Variants in SGCZ observed in about 807,000 individuals in gnomAD.
The protein encoded by SGCZ is zeta-sarcoglycan.
A neutral mutation model predicts 41.3 loss-of-function variants in SGCZ; 40 were observed. The ratio of observed to expected loss-of-function variants is 0.97; its 90% CI spans 0.75 to 1.26. SGCZ has a LOEUF of 1.26. SGCZ is among the 50% of genes most tolerant of loss of function. The pLI is 0.00. For synonymous variants in SGCZ, 206 were observed against 137.5 expected (o/e 1.50, Z -3.49); for missense variants, 552 against 369.8 (o/e 1.49, Z -4.04).
At chr8:14,392,901 G>A (rs78905746) in intron 2 of SGCZ, among the ~76,000 whole-genome samples, 2 of 152,004 alleles carry the variant, frequency 1.3e-5, no homozygotes, top group Non-Finnish European at 2.9e-5. Context: ...AATAAAGTTA[G>A]AGTTTATATT....
intron 3 of SGCZ, among the ~76,000 whole-genome samples, chr8:14,300,151 T>G (rs997719935): frequency 1.3e-5 from 2 of 151,972 alleles, no homozygotes; most frequent in Non-Finnish European, 2.9e-5. Context: ...ATTACAAGGA[T>G]GTATAGTTAT....
chr8:14,822,481 A>T (rs952738308), intron 1 of SGCZ, among the ~76,000 whole-genome samples: 12 of 152,192 alleles, frequency 7.9e-5, no homozygotes, highest in African/African-American at 2.9e-4. Context: ...GAAACAAAAA[A>T]GAAATTCACA....
At chr8:15,227,674 C>A (rs1417596493) in intron 1 of SGCZ, among the ~76,000 whole-genome samples, 1 of 152,142 alleles carries the variant, frequency 6.6e-6, no homozygotes, top group African/African-American at 2.4e-5. Context: ...CGTACTGTGA[C>A]ACTGTTCGTC....
At chr8:14,497,722 A>T (rs1205097804) in intron 2 of SGCZ, among the ~76,000 whole-genome samples, 1 of 152,080 alleles carries the variant, frequency 6.6e-6, no homozygotes, top group African/African-American at 2.4e-5. Flanking sequence ...AACCGTTCAT[A>T]AGGGATCCAC....
At chr8:14,277,281 T>C (rs7825535) in intron 3 of SGCZ, among the ~76,000 whole-genome samples, 40,897 of 152,054 alleles carry the variant, frequency 0.27, 5,871 homozygotes, top group South Asian at 0.45. Context: ...CATGAAGAGA[T>C]TGCTAATTGG....
chr8:15,182,604 C>G (rs767475603), intron 1 of SGCZ, among the ~76,000 whole-genome samples: 9 of 152,058 alleles, frequency 5.9e-5, no homozygotes, highest in Non-Finnish European at 1.2e-4. Context: ...GTATAGGACC[C>G]TTACCATGAA....
At chr8:15,065,840 G>A (rs930764910) in intron 1 of SGCZ, among the ~76,000 whole-genome samples, 2 of 152,122 alleles carry the variant, frequency 1.3e-5, no homozygotes, top group East Asian at 3.9e-4. Flanking sequence ...CACTTAGCAC[G>A]TGGTAGGGCC....
intron 2 of SGCZ, among the ~76,000 whole-genome samples, chr8:14,359,610 C>A (rs1803430332): frequency 6.6e-6 from 1 of 151,790 alleles, no homozygotes; most frequent in South Asian, 2.1e-4. Context: ...AGGAATTAAA[C>A]AATACACTCC....
chr8:14,163,663 G>C (rs1305277578), intron 5 of SGCZ, among the ~76,000 whole-genome samples: 1 of 152,084 alleles, frequency 6.6e-6, no homozygotes, highest in Non-Finnish European at 1.5e-5. Flanking sequence ...GAGGCATCTA[G>C]AGTTGAATAT....
At chr8:15,017,100 T>G (rs866936758) in intron 1 of SGCZ, among the ~76,000 whole-genome samples, 15 of 152,296 alleles carry the variant, frequency 9.8e-5, no homozygotes, top group Middle Eastern at 3.4e-3. Flanking sequence ...TATCAAATAA[T>G]AGTTTAAAAA....
chr8:15,144,193 A>T lies in SGCZ; in HGVS notation c.39+93392T>A, dbSNP rs187979825. Among the ~76,000 whole-genome samples, 47 of 152,360 alleles carry T rather than the reference A, an allele frequency of 3.1e-4. 1 individual carries two copies. Among genetic ancestry groups the T allele is most frequent in the African/African-American group, 1.1e-3 (44 of 41,586 alleles). On this transcript the variant is annotated intron_variant, in intron 1 of 7. Coordinates refer to ENST00000382080, the MANE Select transcript of SGCZ (RefSeq NM_139167.4). Reference sequence around the variant, plus strand: ...TAATAAAAGGTGATACAGAATCAGAAAATTGCATTCCACAAATGATATCAC... The same window carrying T: ...TAATAAAAGGTGATACAGAATCAGATAATTGCATTCCACAAATGATATCAC...
At chr8:14,304,411 C>A (rs368656699) in intron 3 of SGCZ, among the ~76,000 whole-genome samples, 148 of 152,094 alleles carry the variant, frequency 9.7e-4, no homozygotes, top group African/African-American at 3.4e-3. Context: ...ATGGGCAATA[C>A]AGTAAAACTT....
intron 1 of SGCZ, among the ~76,000 whole-genome samples, chr8:14,996,060 C>T (rs906659538): frequency 1.3e-4 from 19 of 151,936 alleles, no homozygotes; most frequent in South Asian, 8.3e-4. Flanking sequence ...CCCGCCACCA[C>T]GCCCAGCTAA....
At chr8:14,142,940 G>T (rs969016872) in intron 5 of SGCZ, among the ~76,000 whole-genome samples, 1 of 151,134 alleles carries the variant, frequency 6.6e-6, no homozygotes, top group Non-Finnish European at 1.5e-5. Context: ...GCAGAAGCCA[G>T]TATGCTTCCT....
chr8:14,291,680 C>T (rs1800846643), intron 3 of SGCZ, among the ~76,000 whole-genome samples: 1 of 151,652 alleles, frequency 6.6e-6, no homozygotes, highest in African/African-American at 2.4e-5. Flanking sequence ...TATTCGGAAA[C>T]ATATATATAT....
At chr8:15,154,173 A>G (rs1799259977) in intron 1 of SGCZ, among the ~76,000 whole-genome samples, 1 of 152,200 alleles carries the variant, frequency 6.6e-6, no homozygotes, top group Admixed American at 6.5e-5. Context: ...ATTATCCAGT[A>G]TCTGGTTTTT....
chr8:14,539,220 C>T (rs1330730677), intron 2 of SGCZ, among the ~76,000 whole-genome samples: 3 of 151,986 alleles, frequency 2.0e-5, no homozygotes, highest in Non-Finnish European at 2.9e-5. Flanking sequence ...GCCAAATGGC[C>T]TAACCTGAAG....
rs1755844758 is a variant in SGCZ at position 15,133,919 on chromosome 8, G to C, written c.39+103666C>G. Among the ~76,000 whole-genome samples, 5 of 152,116 alleles carry C rather than the reference G, an allele frequency of 3.3e-5. 2 individuals carry two copies. The South Asian group carries it at 1.0e-3, about 32-fold the overall frequency. ...AAGTCTATTTTTCTTAGTAAGCCTG[G>C]TATTAGGCATCTATTTCAATGTTCT... On this transcript the variant is annotated intron_variant, in intron 1 of 7. Coordinates refer to ENST00000382080, the MANE Select transcript of SGCZ (RefSeq NM_139167.4).
chr8:14,215,065 C>T (rs1003861607), intron 4 of SGCZ, among the ~76,000 whole-genome samples: 1 of 152,134 alleles, frequency 6.6e-6, no homozygotes, highest in African/African-American at 2.4e-5. Context: ...TTCAGACACA[C>T]ATTATTTTCA....
Sources: gnomAD v4.1 joint callset for allele counts (sites outside exome capture counted in the v4.1 genomes callset) on GRCh38, gnomAD v4.1.1 for gene constraint, MANE v1.5 for transcripts, NCBI Gene and HGNC (gene_info 2026-07-23, HGNC 2026-07-21) for gene names.